The following ATG4C variants were observed in gnomAD, a reference collection of about 807,000 sequenced individuals.
ATG4C encodes the protein autophagy related 4C cysteine peptidase.
In ATG4C, 56 loss-of-function variants were observed where a neutral mutation model predicts 57.6. That is an observed-to-expected ratio of 0.97 (90% confidence interval 0.78 to 1.21). ATG4C has a LOEUF of 1.21. Ranked by LOEUF, ATG4C falls within the 50% of genes most tolerant of loss-of-function variation. The pLI, the probability that ATG4C is intolerant of heterozygous loss-of-function variation, is 0.00. For synonymous variants in ATG4C, 157 were observed against 174.1 expected, an observed-to-expected ratio of 0.90 and a Z score of 0.78; for missense variants, 595 against 529.8, an observed-to-expected ratio of 1.12 and a Z score of -1.21.
At chr1:62,828,454 GAA>G (rs1043109605) in intron 6 of ATG4C, among the ~76,000 whole-genome samples, 1 of 152,034 alleles carries the variant, frequency 6.6e-6, no homozygotes, top group African/African-American at 2.4e-5. Flanking sequence ...ATCTTCTTTT[GAA>G]AAGTGTCTTT....
chr1:62,811,026 T>G (rs1343113841), intron 3 of ATG4C, among the ~76,000 whole-genome samples: 1 of 152,200 alleles, frequency 6.6e-6, no homozygotes, highest in Admixed American at 6.5e-5. Flanking sequence ...TCATCTCTCA[T>G]TTTCTGTGGC....
intron 10 of ATG4C, among the ~76,000 whole-genome samples, chr1:62,857,021 G>C (rs992107728): frequency 2.0e-5 from 3 of 152,106 alleles, no homozygotes; most frequent in Non-Finnish European, 4.4e-5. Context: ...TGCAAAGTTT[G>C]CTGGCATCCT....
At chr1:62,841,985 T>G (rs1456199005) in intron 10 of ATG4C, among the ~76,000 whole-genome samples, 1 of 152,246 alleles carries the variant, frequency 6.6e-6, no homozygotes, top group East Asian at 1.9e-4. Flanking sequence ...TTTGGATTTC[T>G]CAGAACTGCT....
Position 62,799,798 on chromosome 1 carries a change from A to G in ATG4C, c.-68-3921A>G, listed in dbSNP as rs1378916682. The stretch of plus-strand genomic sequence containing the variant: ...AGTTATGCTCTTTTAGTTATTTTTA[A>G]ATGTTCAATTAAATTATTATTGACT... On this transcript the variant is annotated intron_variant, in intron 1 of 10. Transcript: ENST00000317868. Among the ~76,000 whole-genome samples, 4 of 152,104 alleles carry G rather than the reference A, an allele frequency of 2.6e-5. No homozygotes were observed. The East Asian group carries it at 7.7e-4, about 29-fold the overall frequency.
chr1:62,816,907 G>A (rs74078329), intron 4 of ATG4C, 99 bp downstream of exon 4: 4 of 959,066 alleles, frequency 4.2e-6, no homozygotes, highest in African/African-American at 3.3e-5. Context: ...GAAATTCCCT[G>A]AGGTTAATTT....
chr1:62,810,352 C>G (rs1665041737), intron 3 of ATG4C, among the ~76,000 whole-genome samples: 1 of 152,156 alleles, frequency 6.6e-6, no homozygotes, highest in Admixed American at 6.5e-5. Flanking sequence ...TAGTTCTTAA[C>G]ACATGTCTAG....
intron 10 of ATG4C, among the ~76,000 whole-genome samples, chr1:62,841,838 A>G (rs1241364770): frequency 6.6e-6 from 1 of 152,216 alleles, no homozygotes; most frequent in Non-Finnish European, 1.5e-5. Context: ...GTTATATTCT[A>G]TTTGAAGAAG....
At chr1:62,823,568 C>T (rs143776435) in intron 6 of ATG4C, among the ~76,000 whole-genome samples, 70 of 152,282 alleles carry the variant, frequency 4.6e-4, no homozygotes, top group African/African-American at 1.6e-3. Context: ...AGAAACTGAT[C>T]ATGTCCCTTT....
intron 1 of ATG4C, among the ~76,000 whole-genome samples, chr1:62,791,671 G>A (rs1290206185): frequency 6.6e-6 from 1 of 152,150 alleles, no homozygotes; most frequent in Non-Finnish European, 1.5e-5. Context: ...CTGATAACCT[G>A]TTAATCCATT....
At chr1:62,813,432 C>A (rs1665157817) in intron 3 of ATG4C, among the ~76,000 whole-genome samples, 1 of 152,104 alleles carries the variant, frequency 6.6e-6, no homozygotes, top group Admixed American at 6.5e-5. Context: ...TTTCTTACAC[C>A]TTATACAAAA....
chr1:62,811,742 G>T, intron 3 of ATG4C, among the ~76,000 whole-genome samples: 1 of 152,106 alleles, frequency 6.6e-6, no homozygotes, highest in South Asian at 2.1e-4. Context: ...TATCGTTGTG[G>T]ATTTGTCTGT....
Position 62,787,060 on chromosome 1 carries a change from A to G in ATG4C, c.-69+2787A>G, listed in dbSNP as rs960386539. On this transcript the variant is annotated intron_variant, in intron 1 of 10. Transcript: ENST00000317868. Reference sequence around the variant, plus strand: ...TAGGTTTTTGGCTTATATAACTGGAAGGATTGTTGCACCCTTCACCGAGGT... The same window carrying G: ...TAGGTTTTTGGCTTATATAACTGGAGGGATTGTTGCACCCTTCACCGAGGT... Among the ~76,000 whole-genome samples, 6 of 152,308 alleles carry G rather than the reference A, an allele frequency of 3.9e-5. No individual in the cohort carries two copies. In the East Asian group the frequency reaches 1.2e-3, roughly 29 times the overall value.
chr1:62,825,193 G>A (rs989084908), intron 6 of ATG4C, among the ~76,000 whole-genome samples: 3 of 148,772 alleles, frequency 2.0e-5, no homozygotes, highest in Non-Finnish European at 3.0e-5. Context: ...CCAAGATCGT[G>A]CCACTGCACT....
At chr1:62,801,101 G>A (rs1002036109) in intron 1 of ATG4C, among the ~76,000 whole-genome samples, 97 of 152,190 alleles carry the variant, frequency 6.4e-4, no homozygotes, top group African/African-American at 2.2e-3. Context: ...TGTGGTTTCA[G>A]CATATGCTGC....
chr1:62,821,892 A>G (rs1006312377), intron 6 of ATG4C, among the ~76,000 whole-genome samples: 4 of 152,146 alleles, frequency 2.6e-5, no homozygotes, highest in Non-Finnish European at 4.4e-5. Context: ...AATTTTATGC[A>G]TGAGACCAAG....
intron 10 of ATG4C, among the ~76,000 whole-genome samples, chr1:62,855,951 A>G (rs574911360): frequency 2.3e-4 from 35 of 152,252 alleles, no homozygotes; most frequent in African/African-American, 8.4e-4. Context: ...TCCTGGAAGT[A>G]TTTTCAGTTT....
intron 7 of ATG4C, among the ~76,000 whole-genome samples, chr1:62,831,932 T>A (rs1665854774): frequency 1.3e-5 from 2 of 152,158 alleles, no homozygotes; most frequent in South Asian, 2.1e-4. Flanking sequence ...TGCTATATAT[T>A]TTTTTCTTTC....
intron 6 of ATG4C, among the ~76,000 whole-genome samples, chr1:62,825,529 C>T (rs1198727203): frequency 6.6e-6 from 1 of 152,144 alleles, no homozygotes; most frequent in Non-Finnish European, 1.5e-5. Context: ...TTTTAGTGCT[C>T]AGCCTTTAGA....
chr1:62,845,575 CT>C (rs1553229512), intron 10 of ATG4C, among the ~76,000 whole-genome samples: 4 of 151,992 alleles, frequency 2.6e-5, no homozygotes, highest in Non-Finnish European at 1.5e-5. Flanking sequence ...ATTAATAATA[CT>C]TTTATGGTTT....
Sources: gnomAD v4.1 joint callset for allele counts (sites outside exome capture counted in the v4.1 genomes callset) on GRCh38, gnomAD v4.1.1 for gene constraint, MANE v1.5 for transcripts, NCBI Gene and HGNC (gene_info 2026-07-23, HGNC 2026-07-21) for gene names.